PAIP1: variants seen among roughly 807,000 people sequenced by gnomAD.
The protein encoded by PAIP1 is poly(A) binding protein interacting protein 1.
PAIP1 carries 16 observed loss-of-function variants against 61.3 expected under a neutral mutation model. The ratio of observed to expected loss-of-function variants is 0.26; its 90% CI spans 0.18 to 0.40. The LOEUF (loss-of-function observed/expected upper bound fraction) is 0.40, where lower values mean the gene tolerates loss of function less well. Ranked by LOEUF, PAIP1 falls within the 10% of genes least tolerant of loss-of-function variation. The probability of loss-of-function intolerance (pLI) is 1.00; values close to 1 mark genes in which losing one functional copy is unlikely to be tolerated. For synonymous variants in PAIP1, 187 were observed against 226.2 expected, an observed-to-expected ratio of 0.83 and a Z score of 1.56; for missense variants, 416 against 600.9, an observed-to-expected ratio of 0.69 and a Z score of 3.22.
At chr5:43,529,271 T>G (rs1197629610) in intron 10 of PAIP1, among the ~76,000 whole-genome samples, 2 of 152,192 alleles carry the variant, frequency 1.3e-5, no homozygotes, top group Non-Finnish European at 2.9e-5. Flanking sequence ...AAAAAAATAA[T>G]TATGCTTAAG....
At chr5:43,544,014 T>C (rs767400172) in intron 3 of PAIP1, among the ~76,000 whole-genome samples, 6 of 151,900 alleles carry the variant, frequency 3.9e-5, no homozygotes, top group Non-Finnish European at 7.4e-5. Flanking sequence ...CACGGTAGCA[T>C]GCACCGTAGT....
chr5:43,535,593 C>G lies in PAIP1; in HGVS notation c.1020G>C (p.Met340Ile). Residue 340 changes from methionine (M) to isoleucine (I), a missense_variant, in exon 7 of 11, where the codon ATG becomes ATC. Physicochemically the swap from Met to Ile is conservative, Grantham distance 10. Around this residue, in one of 4 missense-constraint regions of PAIP1, gnomAD observed 135 missense variants for 283.9 expected, o/e 0.48. Coordinates refer to ENST00000306846, the MANE Select transcript of PAIP1 (RefSeq NM_006451.5). ...LEDAWKEKGK[M>I]DMEEIIQRIE... The stretch of plus-strand genomic sequence containing the variant: ...TTCTCTGAATAATTTCTTCCATATC[C>G]ATCTTTCCTTTTTCCTTCCAAGCAT... The G allele has an allele frequency of 6.2e-7, 1 of 1,606,102 alleles. No individual in the cohort carries two copies. Among genetic ancestry groups the G allele is most frequent in the Non-Finnish European group, 8.5e-7 (1 of 1,173,998 alleles).
chr5:43,531,676 A>AAAAAAAAAAAAAAAAAAAAAAAGAG (rs70997407), intron 9 of PAIP1, among the ~76,000 whole-genome samples: 1 of 143,010 alleles, frequency 7.0e-6, no homozygotes, highest in Non-Finnish European at 1.5e-5. Flanking sequence ...AAAAAAAAAA[A>AAAAAAAAAAAAAAAAAAAAAAAGAG]AGAGAAAAAA....
rs772454226 is a variant in PAIP1 at position 43,539,465 on chromosome 5, A to G, written c.735-430T>C. Among the ~76,000 whole-genome samples the G allele has an allele frequency of 7.9e-3, 1,143 of 144,158 alleles. 3 individuals carry two copies. The highest frequency in any genetic ancestry group is 9.7e-3 in the Non-Finnish European group (655 of 67,872). The allele number at this position is 144,158 out of a possible 152,430, so 94.6% of individuals were successfully genotyped here. A position where few individuals can be genotyped will look rare whatever the true frequency, so the allele number is the denominator to read the frequency against. On this transcript the variant is annotated intron_variant, in intron 4 of 10. Coordinates refer to ENST00000306846, the MANE Select transcript of PAIP1 (RefSeq NM_006451.5). ...AGGATCTTTAAATACACACACACAC[A>G]CACACACACACACACACACACAACC...
In PAIP1 at chr5:43,547,784, C is replaced by T. The variant is rs749889316; in HGVS notation, c.565G>A (p.Gly189Ser). ...AAAGCATCATCTGTTGTAACACAAC[C>T]ATTCAGGGTCTCTGCAAACTGTTCA... ...EIEQFAETLN[G>S]CVTTDDALQE... Residue 189 changes from glycine to serine, a missense_variant, in exon 3 of 11, where the codon GGT (glycine) becomes AGT (serine). Around this residue, in one of 4 missense-constraint regions of PAIP1, gnomAD observed 180 missense variants for 211.2 expected, o/e 0.85. Coordinates refer to ENST00000306846, the MANE Select transcript of PAIP1 (RefSeq NM_006451.5). The T allele has an allele frequency of 2.5e-6, 4 of 1,611,836 alleles. No individual in the cohort carries two copies. Among genetic ancestry groups the T allele is most frequent in the Non-Finnish European group, 3.4e-6 (4 of 1,179,340 alleles).
chr5:43,541,411 C>G (rs1304463600), intron 4 of PAIP1, among the ~76,000 whole-genome samples: 1 of 147,192 alleles, frequency 6.8e-6, no homozygotes, highest in Non-Finnish European at 1.5e-5. Flanking sequence ...CTCAGCCTCC[C>G]AAAGTACTGG....
chr5:43,543,962 T>C (rs1300252927), intron 3 of PAIP1, among the ~76,000 whole-genome samples: 1 of 151,866 alleles, frequency 6.6e-6, no homozygotes, highest in African/African-American at 2.4e-5. Flanking sequence ...GTCAACACAG[T>C]GTGACCACCA....
Position 43,555,779 on chromosome 5 carries a change from A to G in PAIP1, c.435+51T>C, listed in dbSNP as rs760383981. ...TACTCTGATTAACAAAGTAACAACC[A>G]CATTATTCCAGTAAATTAACCCAGA... On this transcript the variant is annotated intron_variant, in intron 2 of 10. Transcript: ENST00000306846. 1.4e-5 allele frequency: 20 copies of G among 1,450,404 alleles called. No homozygotes were observed. In the East Asian group the frequency reaches 2.5e-4, roughly 18 times the overall value. The allele number at this position is 1,450,404 out of a possible 1,614,324, so 89.8% of individuals were successfully genotyped here. A position where few individuals can be genotyped will look rare whatever the true frequency, so the allele number is the denominator to read the frequency against.
chr5:43,546,687 CACTG>C (rs1241322974), intron 3 of PAIP1, among the ~76,000 whole-genome samples: 2 of 152,074 alleles, frequency 1.3e-5, no homozygotes, highest in African/African-American at 4.8e-5. Context: ...ACCAGTCTCA[CACTG>C]ACTAAGAAAT....
rs372034459 is a variant in PAIP1 at position 43,536,950 on chromosome 5, G to A, written c.847-6C>T. On this transcript the variant is annotated splice_polypyrimidine_tract_variant and splice_region_variant and intron_variant, in intron 5 of 10. Transcript: ENST00000306846. ...TGTCCATTTGTTCCCTTGATCTTTC[G>A]GGACCAAAAAAAAGAACAAAAGGAA... The A allele has an allele frequency of 1.4e-5, 21 of 1,554,018 alleles. No homozygotes were observed. The highest frequency in any genetic ancestry group is 1.3e-4 in the African/African-American group (9 of 71,190).
chr5:43,556,204 T>C, intron 1 of PAIP1: 3 of 1,336,086 alleles, frequency 2.2e-6, no homozygotes, highest in South Asian at 4.4e-5. Context: ...TGGGCATACC[T>C]GCCTCTCAAA....
chr5:43,548,344 C>T (rs1299138208), intron 2 of PAIP1, among the ~76,000 whole-genome samples: 1 of 151,850 alleles, frequency 6.6e-6, no homozygotes, highest in Non-Finnish European at 1.5e-5. Context: ...CATGAGGATT[C>T]ATTATACCAT....
In PAIP1 at chr5:43,526,427, C is replaced by CA. The variant is rs776638969; in HGVS notation, c.*948dup. The CA allele has an allele frequency of 2.0e-5, 3 of 152,170 alleles. No homozygotes were observed. The allele number at this position is 152,170 out of a possible 1,614,324, so 9.4% of individuals were successfully genotyped here. ...ACAGAACTATTTACATGCATATTTA[C>CA]AAGCAATCCTTTTGTACACAGTTTT... On this transcript the variant is annotated 3_prime_UTR_variant, in exon 11 of 11. Coordinates refer to ENST00000306846, the MANE Select transcript of PAIP1 (RefSeq NM_006451.5).
intron 2 of PAIP1, among the ~76,000 whole-genome samples, chr5:43,553,262 A>G (rs1374179108): frequency 6.6e-6 from 1 of 152,204 alleles, no homozygotes; most frequent in African/African-American, 2.4e-5. Flanking sequence ...AAATTCTAGC[A>G]GCAGGATTAG....
chr5:43,547,712 C>A lies in PAIP1; in HGVS notation c.621+16G>T. On this transcript the variant is annotated intron_variant, in intron 3 of 10. Coordinates refer to ENST00000306846, the MANE Select transcript of PAIP1 (RefSeq NM_006451.5). ...GAAGCTATCTGAAGGTCACTGCATG[C>A]TATAAGCCAACATACCTGTTGATAG... The A allele has an allele frequency of 6.3e-7, 1 of 1,578,098 alleles. No homozygotes were observed. Among genetic ancestry groups the A allele is most frequent in the South Asian group, 1.1e-5 (1 of 88,294 alleles).
chr5:43,536,199 T>G (rs190418850), intron 6 of PAIP1, among the ~76,000 whole-genome samples: 3 of 152,276 alleles, frequency 2.0e-5, no homozygotes, highest in Admixed American at 2.0e-4. Context: ...ATACTCTGGT[T>G]CAGCATTTGG....
chr5:43,531,280 A>G (rs1447790167), intron 9 of PAIP1, among the ~76,000 whole-genome samples: 1 of 150,730 alleles, frequency 6.6e-6, no homozygotes, highest in East Asian at 2.0e-4. Flanking sequence ...CATTTTGGAC[A>G]GAGGTTCCTA....
At chr5:43,547,969 A>C in intron 2 of PAIP1, 56 bp from the exon 3 acceptor site, 1 of 1,096,600 alleles carries the variant, frequency 9.1e-7, no homozygotes, top group Non-Finnish European at 1.4e-6. Context: ...TAAAACACAC[A>C]AGGTGGTATG....
At chr5:43,535,899 G>A (rs1747129433) in intron 6 of PAIP1, among the ~76,000 whole-genome samples, 1 of 151,544 alleles carries the variant, frequency 6.6e-6, no homozygotes, top group African/African-American at 2.4e-5. Context: ...TATATTCCCT[G>A]TATGACTAAG....
Sources: allele counts gnomAD v4.1 joint callset (sites outside exome capture counted in the v4.1 genomes callset), GRCh38; gene constraint gnomAD v4.1.1; regional missense constraint gnomAD v4.1.1; transcripts MANE v1.5; gene names NCBI Gene and HGNC (gene_info 2026-07-23, HGNC 2026-07-21).